The following ARHGAP26 variants were observed in gnomAD, a reference collection of about 807,000 sequenced individuals.
ARHGAP26 encodes the protein rho GTPase-activating protein 26.
ARHGAP26 carries 38 observed loss-of-function variants against 104.8 expected under a neutral mutation model. The ratio of observed to expected loss-of-function variants is 0.36; its 90% CI spans 0.28 to 0.48. The LOEUF is 0.48. ARHGAP26 is among the 20% of genes least tolerant of loss of function. The probability of loss-of-function intolerance (pLI) is 0.99; values close to 1 mark genes in which losing one functional copy is unlikely to be tolerated. For missense variants in ARHGAP26, 704 were observed against 947.9 expected, an observed-to-expected ratio of 0.74 and a Z score of 3.38; for synonymous variants, 341 against 340.0, an observed-to-expected ratio of 1.00 and a Z score of -0.03.
intron 17 of ARHGAP26, among the ~76,000 whole-genome samples, chr5:143,061,548 C>G (rs1786710647): frequency 6.6e-6 from 1 of 152,142 alleles, no homozygotes; most frequent in African/African-American, 2.4e-5. Flanking sequence ...AGCAACTGTT[C>G]CTTTGTTGCA....
Position 142,974,345 on chromosome 5 carries a change from G to A in ARHGAP26, c.1108-39735G>A, listed in dbSNP as rs1295848062. Among the ~76,000 whole-genome samples the A allele has an allele frequency of 2.0e-5, 3 of 151,822 alleles. No homozygotes were observed. In the East Asian group the frequency reaches 5.8e-4, roughly 29 times the overall value. The stretch of plus-strand genomic sequence containing the variant: ...AGGAAGGGCTCTGGTTCTCGATGGT[G>A]TATTATTGTTCTGACAGCTAAACCC... On this transcript the variant is annotated intron_variant, in intron 11 of 22. Coordinates refer to ENST00000645722, the MANE Select transcript of ARHGAP26 (RefSeq NM_001135608.3).
chr5:142,913,400 C>T (rs1293629831), intron 10 of ARHGAP26, 107 bp downstream of exon 10: 2 of 940,346 alleles, frequency 2.1e-6, no homozygotes, highest in African/African-American at 1.6e-5. Context: ...TCTCCCCCTC[C>T]CTCCTTCCTT....
rs571790540 is a variant in ARHGAP26, at chr5:143,211,908, C to A, written c.2100-2089C>A. On this transcript the variant is annotated intron_variant, in intron 21 of 22. Transcript: ENST00000645722. ...CCACTTCATTATTCAATTTCACAAA[C>A]CTAATATCAATGGAATGTTACTCCT... Among the ~76,000 whole-genome samples, 9 of 152,286 alleles carry A rather than the reference C, an allele frequency of 5.9e-5. No homozygotes were observed. In the South Asian group the frequency reaches 1.9e-3, roughly 32 times the overall value.
At chr5:143,193,826 T>C (rs1370851080) in intron 20 of ARHGAP26, 3 of 152,234 alleles carry the variant, frequency 2.0e-5, no homozygotes, top group Non-Finnish European at 4.4e-5. Flanking sequence ...CTTATTATGC[T>C]TAAATGTATA....
intron 17 of ARHGAP26, among the ~76,000 whole-genome samples, chr5:143,074,192 C>T (rs960585523): frequency 3.3e-5 from 5 of 151,816 alleles, no homozygotes; most frequent in Non-Finnish European, 5.9e-5. Flanking sequence ...AATTAGTGAC[C>T]TTTCCTGTTA....
chr5:143,152,490 A>G (rs562482636), intron 20 of ARHGAP26, among the ~76,000 whole-genome samples: 1 of 152,354 alleles, frequency 6.6e-6, no homozygotes, highest in Admixed American at 6.5e-5. Flanking sequence ...TTGGGAGCAG[A>G]TGATACTCTC....
intron 6 of ARHGAP26, 67 bp from the exon 7 acceptor site, chr5:142,901,868 G>A (rs985155195): frequency 2.4e-5 from 31 of 1,318,988 alleles, no homozygotes; most frequent in Admixed American, 1.1e-4. Context: ...TGGGAGCTCA[G>A]ATACAGCTAC....
rs758588683 is a variant in ARHGAP26, at chr5:143,121,067, C to G, written c.1618C>G (p.Gln540Glu). 2.5e-6 allele frequency: 4 copies of G among 1,613,704 alleles called. No homozygotes were observed. In the South Asian group the frequency reaches 4.4e-5, roughly 18 times the overall value. ...GTTTGGACCCACTCTGCTGAGGCCTCAGGAAGAAACAGTAGCAGCCATCAT... is the reference window on the plus strand; with the variant it reads ...GTTTGGACCCACTCTGCTGAGGCCTGAGGAAGAAACAGTAGCAGCCATCAT... ...VVFGPTLLRPQEETVAAIMDI... is the reference protein window; with the variant it reads ...VVFGPTLLRPEEETVAAIMDI... Residue 540 changes from glutamine to glutamate, a missense_variant, in exon 18 of 23, where the codon CAG becomes GAG. Coordinates refer to ENST00000645722, the MANE Select transcript of ARHGAP26 (RefSeq NM_001135608.3).
chr5:143,089,947 C>T (rs1305714355), intron 17 of ARHGAP26, among the ~76,000 whole-genome samples: 4 of 152,218 alleles, frequency 2.6e-5, no homozygotes, highest in African/African-American at 9.7e-5. Flanking sequence ...AAGTGCCACT[C>T]CAGTTATTCG....
intron 11 of ARHGAP26, among the ~76,000 whole-genome samples, chr5:143,007,954 G>C (rs1181128702): frequency 6.6e-6 from 1 of 152,150 alleles, no homozygotes; most frequent in Non-Finnish European, 1.5e-5. Context: ...AATGCCACAG[G>C]GTCCCTCAAA....
At chr5:142,906,349 T>A (rs1412534838) in intron 8 of ARHGAP26, among the ~76,000 whole-genome samples, 1 of 152,184 alleles carries the variant, frequency 6.6e-6, no homozygotes, top group East Asian at 1.9e-4. Context: ...CTCCATAGAT[T>A]TAGCATCCAT....
At chr5:143,016,725 G>A (rs566342263) in intron 12 of ARHGAP26, among the ~76,000 whole-genome samples, 10 of 138,808 alleles carry the variant, frequency 7.2e-5, no homozygotes, top group African/African-American at 1.8e-4. Context: ...AAAAAAATTG[G>A]CCACTTTTTC....
intron 17 of ARHGAP26, among the ~76,000 whole-genome samples, chr5:143,093,496 A>C (rs991157140): frequency 5.3e-5 from 8 of 151,258 alleles, no homozygotes; most frequent in African/African-American, 9.7e-5. Context: ...TACTATTTCT[A>C]TCTCTCTCTC....
At chr5:142,899,701 T>C (rs1374511710) in intron 6 of ARHGAP26, among the ~76,000 whole-genome samples, 1 of 151,946 alleles carries the variant, frequency 6.6e-6, no homozygotes, top group Non-Finnish European at 1.5e-5. Flanking sequence ...ACTTCAAAGG[T>C]TCATATAGTG....
At chr5:142,793,840 G>A (rs1475741474) in intron 1 of ARHGAP26, among the ~76,000 whole-genome samples, 1 of 152,076 alleles carries the variant, frequency 6.6e-6, no homozygotes, top group Non-Finnish European at 1.5e-5. Context: ...TGCCTGCTTC[G>A]ACCTCTCAGT....
intron 11 of ARHGAP26, among the ~76,000 whole-genome samples, chr5:143,007,819 TTTGA>T (rs34758908): frequency 0.62 from 94,391 of 151,584 alleles, 31,605 homozygotes; most frequent in Non-Finnish European, 0.75. Flanking sequence ...TATTTTTATG[TTTGA>T]TTGCTGTTTT....
At chr5:142,903,781 G>A (rs1405087677) in intron 8 of ARHGAP26, 112 bp downstream of exon 8, 1 of 1,142,030 alleles carries the variant, frequency 8.8e-7, no homozygotes, top group African/African-American at 1.6e-5. Context: ...TGGATAACAA[G>A]AACAATTTTA....
Position 143,077,674 on chromosome 5 carries a change from G to A in ARHGAP26, c.1538+19927G>A, listed in dbSNP as rs142173566. Reference sequence around the variant, plus strand: ...TTCTGGCTTGCACAGATGACAGGGCGCTGCCAGCGTCTTTGTGGAAAGTCT... The same window carrying A: ...TTCTGGCTTGCACAGATGACAGGGCACTGCCAGCGTCTTTGTGGAAAGTCT... On this transcript the variant is annotated intron_variant, in intron 17 of 22. Transcript: ENST00000645722. Among the ~76,000 whole-genome samples the A allele has an allele frequency of 7.4e-4, 113 of 152,340 alleles. 1 individual carries two copies. The East Asian group carries it at 7.7e-3, about 10-fold the overall frequency.
In ARHGAP26 at chr5:142,965,858, T is replaced by G. The variant is rs545355286; in HGVS notation, c.1107+33733T>G. 5.9e-5 allele frequency among the ~76,000 whole-genome samples: 9 copies of G among 152,312 alleles called. No homozygotes were observed. In the South Asian group the frequency reaches 1.9e-3, roughly 32 times the overall value. ...AGCCACAGTGATTTTGTTGGTCTCG[T>G]GTACTGGGAGTAGAGGGGAGTTTTT... On this transcript the variant is annotated intron_variant, in intron 11 of 22. Transcript: ENST00000645722.
Sources: allele counts gnomAD v4.1 joint callset (sites outside exome capture counted in the v4.1 genomes callset), GRCh38; gene constraint gnomAD v4.1.1; transcripts MANE v1.5; gene names NCBI Gene and HGNC (gene_info 2026-07-23, HGNC 2026-07-21).